The following TMEM14B variants were observed in gnomAD, a reference collection of about 807,000 sequenced individuals.
TMEM14B encodes transmembrane protein 14B.
A neutral mutation model predicts 14.8 loss-of-function variants in TMEM14B; 9 were observed. That is an observed-to-expected ratio of 0.61 (90% confidence interval 0.37 to 1.06). TMEM14B has a LOEUF of 1.06. Ranked by LOEUF, TMEM14B falls within the 50% of genes least tolerant of loss-of-function variation. The pLI, the probability that TMEM14B is intolerant of heterozygous loss-of-function variation, is 0.01. For synonymous variants in TMEM14B, 40 were observed against 51.3 expected, an observed-to-expected ratio of 0.78 and a Z score of 0.94; for missense variants, 128 against 143.6, an observed-to-expected ratio of 0.89 and a Z score of 0.56.
At chr6:10,758,689 TG>T (rs538177048), downstream of TMEM14B, among the ~76,000 whole-genome samples, 819 of 152,224 alleles carry the variant, frequency 5.4e-3, 6 homozygotes, top group Middle Eastern at 0.017. Flanking sequence ...GCATTTCTGT[TG>T]AGGGAGTCAA....
chr6:10,752,277 T>G (rs1581612893), intron 4 of TMEM14B, among the ~76,000 whole-genome samples: 1 of 152,114 alleles, frequency 6.6e-6, no homozygotes, highest in Middle Eastern at 3.4e-3. Context: ...CCCCTCGTCC[T>G]GTTTCCCTCC....
downstream of TMEM14B, among the ~76,000 whole-genome samples, chr6:10,757,194 G>A (rs1771836852): frequency 1.3e-5 from 2 of 152,132 alleles, no homozygotes; most frequent in African/African-American, 4.8e-5. Flanking sequence ...AAGAGACAGG[G>A]TCTTTCTCTG....
rs536258765 is a variant in TMEM14B at position 10,753,370 on chromosome 6, T to C, written c.203-1772T>C. On this transcript the variant is annotated intron_variant, in intron 4 of 5. Transcript: ENST00000379542. ...TGACCTGTGTTTGTACAAAATCCAA[T>C]GTACATTTTTCAGTCCTCATTTTAC... is the stretch of plus-strand genomic sequence containing the variant. Among the ~76,000 whole-genome samples, 39 of 152,232 alleles carry C rather than the reference T, an allele frequency of 2.6e-4. No individual in the cohort carries two copies. The South Asian group carries it at 7.9e-3, about 31-fold the overall frequency.
At chr6:10,749,577 T>G in intron 2 of TMEM14B, 45 bp from the exon 3 acceptor site, 1 of 1,607,270 alleles carries the variant, frequency 6.2e-7, no homozygotes. Context: ...TGTTTTTAAA[T>G]CCAGGTTAGC....
In TMEM14B at chr6:10,749,715, A is replaced by G. The variant is rs1286891202; in HGVS notation, c.100+17A>G. The G allele has an allele frequency of 6.2e-7, 1 of 1,613,622 alleles. No individual in the cohort carries two copies. Among genetic ancestry groups the G allele is most frequent in the South Asian group, 1.1e-5 (1 of 91,080 alleles). On this transcript the variant is annotated intron_variant, in intron 3 of 5. Coordinates refer to ENST00000379542, the MANE Select transcript of TMEM14B (RefSeq NM_030969.5). Reference sequence around the variant, plus strand: ...TAAAAACAGGTAGGGTTTTGTTGTTACTTAGCCTCTTAACATCTTCACGTT... The same window carrying G: ...TAAAAACAGGTAGGGTTTTGTTGTTGCTTAGCCTCTTAACATCTTCACGTT...
downstream of TMEM14B, among the ~76,000 whole-genome samples, chr6:10,757,934 C>T (rs1055985567): frequency 3.3e-5 from 5 of 150,526 alleles, no homozygotes; most frequent in South Asian, 4.2e-4. Context: ...GTGGTTGCAG[C>T]GAGCCGAGAT....
At chr6:10,753,495 T>C (rs1426544865) in intron 4 of TMEM14B, among the ~76,000 whole-genome samples, 1 of 151,990 alleles carries the variant, frequency 6.6e-6, no homozygotes, top group Non-Finnish European at 1.5e-5. Flanking sequence ...CTATTTTCCT[T>C]TTTGGCCACT....
In TMEM14B at chr6:10,749,879, A is replaced by G. The variant is rs564543867; in HGVS notation, c.100+181A>G. The G allele has an allele frequency of 4.2e-6, 3 of 712,030 alleles. No individual in the cohort carries two copies. In the South Asian group the frequency reaches 5.2e-5, roughly 12 times the overall value. 44.1% of individuals were successfully genotyped at this position (712,030 alleles called of 1,614,324 possible). ...CCCTTGCCTTTTGCTTATCTGGTGA[A>G]GCTGAGCCAGGCCTCTTGTGGAATT... On this transcript the variant is annotated intron_variant, in intron 3 of 5. Transcript: ENST00000379542.
At chr6:10,755,498 A>G (rs1477812053) in intron 5 of TMEM14B, 9 of 1,412,502 alleles carry the variant, frequency 6.4e-6, no homozygotes, top group East Asian at 5.0e-5. Context: ...TTGCAAAGCT[A>G]TGACTGCAGC....
downstream of TMEM14B, among the ~76,000 whole-genome samples, chr6:10,757,932 A>T (rs1771860161): frequency 6.6e-6 from 1 of 151,824 alleles, no homozygotes; most frequent in Non-Finnish European, 1.5e-5. Context: ...CTGTGGTTGC[A>T]GCGAGCCGAG....
At chr6:10,749,870 A>C (rs1194578554) in intron 3 of TMEM14B, 172 bp downstream of exon 3, 9 of 762,626 alleles carry the variant, frequency 1.2e-5, no homozygotes, top group Non-Finnish European at 1.8e-5. Flanking sequence ...CCTTTTGCTT[A>C]TCTGGTGAAG....
chr6:10,756,647 C>T lies in TMEM14B; in HGVS notation c.*129C>T. The T allele has an allele frequency of 7.0e-7, 1 of 1,421,486 alleles. No individual in the cohort carries two copies. The allele number at this position is 1,421,486 out of a possible 1,614,324, so 88.1% of individuals were successfully genotyped here. A position where few individuals can be genotyped will look rare whatever the true frequency, so the allele number is the denominator to read the frequency against. ...ATTTTACCTAAAAAAAAAAAGACACCAAATTTGGCGGAGGGGTGGAAAATC... is the reference window on the plus strand; with the variant it reads ...ATTTTACCTAAAAAAAAAAAGACACTAAATTTGGCGGAGGGGTGGAAAATC... On this transcript the variant is annotated 3_prime_UTR_variant, in exon 6 of 6. Coordinates refer to ENST00000379542, the MANE Select transcript of TMEM14B (RefSeq NM_030969.5).
downstream of TMEM14B, among the ~76,000 whole-genome samples, chr6:10,758,520 A>G (rs991194894): frequency 2.6e-5 from 4 of 152,196 alleles, no homozygotes; most frequent in Non-Finnish European, 5.9e-5. Flanking sequence ...TTTACTGCCT[A>G]AGGGTTGTGC....
intron 4 of TMEM14B, among the ~76,000 whole-genome samples, chr6:10,753,369 A>G (rs923474027): frequency 2.0e-5 from 3 of 152,010 alleles, no homozygotes; most frequent in Admixed American, 6.6e-5. Flanking sequence ...ACAAAATCCA[A>G]TGTACATTTT....
chr6:10,756,787 A>G lies in TMEM14B; in HGVS notation c.*269A>G. ...TTTATCTCTTTCTGTATCTATAGGTAAATCTCAAGGGTAAAATGTTAGGTG... is the reference window on the plus strand; with the variant it reads ...TTTATCTCTTTCTGTATCTATAGGTGAATCTCAAGGGTAAAATGTTAGGTG... On this transcript the variant is annotated 3_prime_UTR_variant, in exon 6 of 6. Coordinates refer to ENST00000379542, the MANE Select transcript of TMEM14B (RefSeq NM_030969.5). 2 of 1,069,168 alleles carry G rather than the reference A, an allele frequency of 1.9e-6. No homozygotes were observed. Among genetic ancestry groups the G allele is most frequent in the Non-Finnish European group, 2.3e-6 (2 of 884,030 alleles). The allele number at this position is 1,069,168 out of a possible 1,614,324, so 66.2% of individuals were successfully genotyped here.
Position 10,751,198 on chromosome 6 carries a change from C to G in TMEM14B, c.166C>G (p.Leu56Val), listed in dbSNP as rs751636879. The G allele has an allele frequency of 3.1e-6, 5 of 1,613,982 alleles. No individual in the cohort carries two copies. In the South Asian group the frequency reaches 5.5e-5, roughly 18 times the overall value. The change falls in exon 4 of 6, where the codon CTG (leucine) becomes GTG (valine). Residue 56 changes from leucine to valine, a missense_variant. By Grantham distance (32) the Leu-to-Val change is conservative. Transcript: ENST00000379542. ...GSLAGLGAYQ[L>V]YQDPRNVWGF... ...TCTAGCCGGCCTGGGTGCTTACCAGCTGTATCAGGATCCAAGGAACGTTTG... is the reference window on the plus strand; with the variant it reads ...TCTAGCCGGCCTGGGTGCTTACCAGGTGTATCAGGATCCAAGGAACGTTTG...
At chr6:10,750,565 A>AC (rs746006172) in intron 3 of TMEM14B, among the ~76,000 whole-genome samples, 1 of 152,048 alleles carries the variant, frequency 6.6e-6, no homozygotes, top group African/African-American at 2.4e-5. Context: ...AAGGTGATGG[A>AC]CGCGGGGCTT....
intron 3 of TMEM14B, 28 bp from the exon 4 acceptor site, chr6:10,751,105 A>C: frequency 6.2e-7 from 1 of 1,612,210 alleles, no homozygotes; most frequent in Non-Finnish European, 8.5e-7. Flanking sequence ...CTGACATTAC[A>C]ATGCAAGCTG....
chr6:10,754,470 A>G (rs1771730110), intron 4 of TMEM14B, among the ~76,000 whole-genome samples: 1 of 152,220 alleles, frequency 6.6e-6, no homozygotes, highest in East Asian at 1.9e-4. Flanking sequence ...TGGAAAGGGC[A>G]TTCCCATCCT....
Sources: gnomAD v4.1 joint callset for allele counts (sites outside exome capture counted in the v4.1 genomes callset) on GRCh38, gnomAD v4.1.1 for gene constraint, MANE v1.5 for transcripts, NCBI Gene and HGNC (gene_info 2026-07-23, HGNC 2026-07-21) for gene names.